The following RAB27B variants were observed in gnomAD, a reference collection of about 807,000 sequenced individuals.
The protein encoded by RAB27B is RAB27B, member RAS oncogene family, also known as ras-related protein Rab-27B.
A neutral mutation model predicts 24.6 loss-of-function variants in RAB27B; 15 were observed. The observed-to-expected ratio is 0.61, with a 90% CI of 0.41 to 0.94. The LOEUF is 0.94. Ranked by LOEUF, RAB27B falls within the 40% of genes least tolerant of loss-of-function variation. The probability of loss-of-function intolerance (pLI) is 0.00; values close to 1 mark genes in which losing one functional copy is unlikely to be tolerated. For synonymous variants in RAB27B, 105 were observed against 92.5 expected (o/e 1.14, Z -0.78); for missense variants, 261 against 266.8 (o/e 0.98, Z 0.15).
At chr18:54,836,785 T>C (rs1910911324) in intron 1 of RAB27B, among the ~76,000 whole-genome samples, 3 of 151,874 alleles carry the variant, frequency 2.0e-5, no homozygotes, top group Admixed American at 2.0e-4. Flanking sequence ...TTGTGCATAG[T>C]CACTTGATCC....
rs563665193 is a variant in RAB27B at position 54,804,940 on chromosome 18, T to C, written c.-19-72627T>C. On this transcript the variant is annotated intron_variant, in intron 2 of 4. Coordinates refer to the RAB27B transcript ENST00000586570. ...TTTCTTTCTTTCTTTCTTTCTTTCT[T>C]TCTTTCTTTCTTTCTCTTTCTTTCT... Among the ~76,000 whole-genome samples the C allele has an allele frequency of 4.3e-4, 58 of 133,464 alleles. 2 individuals carry two copies. In the East Asian group the frequency reaches 7.0e-3, roughly 16 times the overall value. The allele number at this position is 133,464 out of a possible 152,430, so 87.6% of individuals were successfully genotyped here.
At chr18:54,793,485 C>G (rs1473634123) in intron 2 of RAB27B, among the ~76,000 whole-genome samples, 2 of 151,346 alleles carry the variant, frequency 1.3e-5, no homozygotes, top group Non-Finnish European at 3.0e-5. Flanking sequence ...TGACAGTCAA[C>G]AGAGAGAGAG....
intron 2 of RAB27B, among the ~76,000 whole-genome samples, chr18:54,759,539 G>T (rs571049607): frequency 6.6e-6 from 1 of 152,184 alleles, no homozygotes; most frequent in Admixed American, 6.5e-5. Flanking sequence ...CTGTGATACC[G>T]ACAGAAGGCA....
At chr18:54,752,734 T>G (rs994222694) in intron 2 of RAB27B, among the ~76,000 whole-genome samples, 3 of 152,180 alleles carry the variant, frequency 2.0e-5, no homozygotes, top group South Asian at 2.1e-4. Context: ...AAGTCCCTTA[T>G]CAGCAGAGCA....
At chr18:54,768,425 C>CT (rs1464864768) in intron 2 of RAB27B, among the ~76,000 whole-genome samples, 2 of 152,014 alleles carry the variant, frequency 1.3e-5, no homozygotes, top group African/African-American at 4.8e-5. Flanking sequence ...TAACTTGCAA[C>CT]TTTTTTTCCT....
At chr18:54,845,653 T>A (rs544748877) in intron 1 of RAB27B, among the ~76,000 whole-genome samples, 2 of 152,310 alleles carry the variant, frequency 1.3e-5, no homozygotes, top group East Asian at 3.9e-4. Flanking sequence ...GTCTTTGCTC[T>A]AGCCTTTTGC....
At chr18:54,725,596 C>T (rs9319860) in intron 2 of RAB27B, among the ~76,000 whole-genome samples, 3 of 151,208 alleles carry the variant, frequency 2.0e-5, no homozygotes, top group Non-Finnish European at 4.4e-5. Context: ...CGGCATGGCA[C>T]GGGAGGCCTC....
intron 2 of RAB27B, among the ~76,000 whole-genome samples, chr18:54,795,293 C>G (rs1471762192): frequency 6.6e-6 from 1 of 152,106 alleles, no homozygotes; most frequent in African/African-American, 2.4e-5. Flanking sequence ...TAAATTTACC[C>G]CATAGCAACA....
intron 3 of RAB27B, among the ~76,000 whole-genome samples, chr18:54,883,432 T>G (rs1050300289): frequency 6.6e-6 from 1 of 152,100 alleles, no homozygotes. Context: ...GGAAGCGATA[T>G]CTCTAGTTCA....
chr18:54,870,511 G>A (rs902103073), intron 1 of RAB27B, among the ~76,000 whole-genome samples: 20 of 152,146 alleles, frequency 1.3e-4, no homozygotes, highest in Non-Finnish European at 2.2e-4. Flanking sequence ...ATTGGCCAGT[G>A]AAAGTGGATA....
chr18:54,720,876 C>T (rs1759994027), intron 2 of RAB27B, among the ~76,000 whole-genome samples: 1 of 151,980 alleles, frequency 6.6e-6, no homozygotes, highest in East Asian at 1.9e-4. Context: ...CATACACATG[C>T]CACAATAAAT....
chr18:54,889,280 A>G lies in RAB27B; in HGVS notation c.524A>G (p.Glu175Gly). The change falls in exon 6 of 6, where the codon GAA (glutamate) becomes GGA (glycine). Residue 175 changes from glutamate (E) to glycine (G), a missense_variant. By Grantham distance (98) the Glu-to-Gly change is moderately conservative. Transcript: ENST00000262094. ...GGACAGAATGTGGAGAAAGCTGTAG[A>G]AACCCTTTTGGACTTAATCATGAAG... ...ATGQNVEKAV[E>G]TLLDLIMKRM... The G allele has an allele frequency of 6.2e-7, 1 of 1,613,438 alleles. No individual in the cohort carries two copies. The highest frequency in any genetic ancestry group is 8.5e-7 in the Non-Finnish European group (1 of 1,179,502).
At chr18:54,850,686 AG>A (rs1911547796) in intron 1 of RAB27B, among the ~76,000 whole-genome samples, 2 of 151,458 alleles carry the variant, frequency 1.3e-5, no homozygotes, top group African/African-American at 2.4e-5. Flanking sequence ...TTTTTTTGCC[AG>A]TGTGTCATGT....
intron 2 of RAB27B, among the ~76,000 whole-genome samples, chr18:54,797,506 ACT>A (rs1214066640): frequency 6.6e-6 from 1 of 152,158 alleles, no homozygotes; most frequent in African/African-American, 2.4e-5. Flanking sequence ...ACAGAGTGAG[ACT>A]CTGTCAAAAT....
chr18:54,795,055 T>C (rs1909371873), intron 2 of RAB27B, among the ~76,000 whole-genome samples: 1 of 152,214 alleles, frequency 6.6e-6, no homozygotes, highest in African/African-American at 2.4e-5. Flanking sequence ...CTTCCAAATT[T>C]ATCATCTTTA....
At chr18:54,818,113 T>C (rs1910174492) in intron 2 of RAB27B, among the ~76,000 whole-genome samples, 1 of 152,184 alleles carries the variant, frequency 6.6e-6, no homozygotes, top group Non-Finnish European at 1.5e-5. Context: ...ATTCTGGAAA[T>C]GTTCCTGTTC....
chr18:54,731,182 G>A (rs1249826147), intron 2 of RAB27B, among the ~76,000 whole-genome samples: 1 of 152,128 alleles, frequency 6.6e-6, no homozygotes, highest in African/African-American at 2.4e-5. Flanking sequence ...AGGATTTCAA[G>A]GGACTGTGAA....
At chr18:54,859,317 A>G (rs1911916028) in intron 1 of RAB27B, among the ~76,000 whole-genome samples, 1 of 152,230 alleles carries the variant, frequency 6.6e-6, no homozygotes, top group Admixed American at 6.5e-5. Flanking sequence ...GAATATGAGT[A>G]GTCAACAGGA....
chr18:54,843,589 G>T (rs769451405), intron 1 of RAB27B, among the ~76,000 whole-genome samples: 1 of 152,108 alleles, frequency 6.6e-6, no homozygotes, highest in Admixed American at 6.5e-5. Flanking sequence ...AACCACACTG[G>T]TGTGTTCCGG....
Sources: gnomAD v4.1 joint callset for allele counts (sites outside exome capture counted in the v4.1 genomes callset) on GRCh38, gnomAD v4.1.1 for gene constraint, MANE v1.5 for transcripts, NCBI Gene and HGNC (gene_info 2026-07-23, HGNC 2026-07-21) for gene names.